Variants in OPHN1 observed in about 807,000 individuals in gnomAD.
OPHN1 encodes the protein oligophrenin 1, also known as oligophrenin-1.
In OPHN1, 11 loss-of-function variants were observed where a neutral mutation model predicts 60.7. The observed-to-expected ratio is 0.18, with a 90% CI of 0.11 to 0.30. The LOEUF is 0.30. Ranked by LOEUF, OPHN1 falls within the 10% of genes least tolerant of loss-of-function variation. The pLI, the probability that OPHN1 is intolerant of heterozygous loss-of-function variation, is 1.00. For synonymous variants in OPHN1, 226 were observed against 222.6 expected (o/e 1.02, Z -0.14); for missense variants, 449 against 611.0 (o/e 0.73, Z 2.80).
At chrX:68,381,472 A>T (rs191517191) in intron 2 of OPHN1, among the ~76,000 whole-genome samples, 15 of 111,799 alleles carry the variant, frequency 1.3e-4, no homozygotes, top group African/African-American at 4.5e-4. Flanking sequence ...TTTGTCTGAC[A>T]TGCAAGGCCC....
intron 2 of OPHN1, among the ~76,000 whole-genome samples, chrX:68,430,572 C>T (rs1021153037): frequency 9.0e-6 from 1 of 111,446 alleles, no homozygotes; most frequent in Admixed American, 9.6e-5. Context: ...CCTGCAATCC[C>T]AGCACTTTGA....
intron 15 of OPHN1, among the ~76,000 whole-genome samples, chrX:68,155,623 C>T (rs1344359431): frequency 8.9e-6 from 1 of 111,996 alleles, no homozygotes; most frequent in Non-Finnish European, 1.9e-5. Context: ...TAATACACTA[C>T]CTCTTCAGAA....
chrX:68,194,652 T>C (rs769850496), intron 12 of OPHN1, among the ~76,000 whole-genome samples, 154 bp from the exon 13 acceptor site: 17 of 111,676 alleles, frequency 1.5e-4, no homozygotes. Flanking sequence ...CTAAACATAA[T>C]TGCTTTGCCA....
chrX:68,141,598 C>A (rs1282318437), intron 15 of OPHN1, among the ~76,000 whole-genome samples: 2 of 111,586 alleles, frequency 1.8e-5, no homozygotes, highest in Non-Finnish European at 3.8e-5. Flanking sequence ...TAGTTCAAGT[C>A]TTTTTGAATC....
At chrX:68,131,277 G>A (rs1397555872) in intron 15 of OPHN1, among the ~76,000 whole-genome samples, 1 of 109,267 alleles carries the variant, frequency 9.2e-6, no homozygotes, top group Non-Finnish European at 1.9e-5. Flanking sequence ...GGAGTGCAGT[G>A]GTGCAATCTC....
rs151096060 is a variant in OPHN1, at chrX:68,374,354, C to CAAA, written c.154+58510_154+58512dup. The stretch of plus-strand genomic sequence containing the variant: ...CTGGCAACAGAGTGAGACTCCATCT[C>CAAA]AAAAAAAAAAAAAAAATCACTAAAT... On this transcript the variant is annotated intron_variant, in intron 2 of 24. Coordinates refer to ENST00000355520, the MANE Select transcript of OPHN1 (RefSeq NM_002547.3). Among the ~76,000 whole-genome samples, 22 of 70,868 alleles carry CAAA rather than the reference C, an allele frequency of 3.1e-4. 1 individual carries two copies. The highest frequency in any genetic ancestry group is 3.4e-4 in the African/African-American group (7 of 20,574). 61.5% of individuals were successfully genotyped at this position (70,868 alleles called of 115,157 possible).
intron 3 of OPHN1, among the ~76,000 whole-genome samples, chrX:68,285,345 A>G (rs1277730539): frequency 1.8e-5 from 2 of 111,885 alleles, no homozygotes; most frequent in Non-Finnish European, 3.8e-5. Context: ...CTTTTTTAAC[A>G]TAGGAATTTG....
intron 9 of OPHN1, among the ~76,000 whole-genome samples, chrX:68,207,945 T>C (rs5965518): frequency 1.8e-5 from 2 of 111,030 alleles, no homozygotes; most frequent in Non-Finnish European, 3.8e-5. Context: ...ACCCTGCCTT[T>C]ACTCATGCAG....
At chrX:68,381,533 A>G (rs1227569138) in intron 2 of OPHN1, among the ~76,000 whole-genome samples, 4 of 111,445 alleles carry the variant, frequency 3.6e-5, no homozygotes, top group African/African-American at 1.3e-4. Context: ...AACCTATTTC[A>G]AGGTCCTTCC....
chrX:68,432,817 G>C (rs777084728), intron 2 of OPHN1, 50 bp downstream of exon 2: 101 of 1,190,917 alleles, frequency 8.5e-5, no homozygotes, highest in Non-Finnish European at 1.1e-4. Flanking sequence ...AAGGCTTAAA[G>C]GCCAGACACA....
At chrX:68,268,131 T>C (rs923216430) in intron 5 of OPHN1, among the ~76,000 whole-genome samples, 2 of 110,787 alleles carry the variant, frequency 1.8e-5, no homozygotes, top group African/African-American at 3.3e-5. Flanking sequence ...AGGTACAGAA[T>C]ACAGAATACA....
intron 6 of OPHN1, among the ~76,000 whole-genome samples, chrX:68,223,925 T>G (rs2147506576): frequency 9.0e-6 from 1 of 111,567 alleles, no homozygotes; most frequent in Non-Finnish European, 1.9e-5. Flanking sequence ...TTAATGTGAA[T>G]GTGCCTAACA....
At chrX:68,232,146 A>C (rs1208673230) in intron 6 of OPHN1, among the ~76,000 whole-genome samples, 1 of 111,849 alleles carries the variant, frequency 8.9e-6, no homozygotes, top group Non-Finnish European at 1.9e-5. Context: ...TAGATATAGC[A>C]CCAAACACCT....
chrX:68,080,685 G>C (rs1206253642), intron 19 of OPHN1, among the ~76,000 whole-genome samples: 8 of 112,123 alleles, frequency 7.1e-5, no homozygotes, highest in African/African-American at 2.3e-4. Context: ...CTAGGATCAA[G>C]AAACTGAAGC....
chrX:68,070,754 C>T (rs2076930650), intron 20 of OPHN1: 2 of 1,137,151 alleles, frequency 1.8e-6, no homozygotes, highest in Middle Eastern at 2.9e-4. Context: ...CAAATACCCC[C>T]CACAGGACCA....
chrX:68,200,057 A>G (rs1411257574), intron 11 of OPHN1, among the ~76,000 whole-genome samples: 1 of 112,165 alleles, frequency 8.9e-6, no homozygotes, highest in Non-Finnish European at 1.9e-5. Context: ...AAAACAAACA[A>G]AAAGAAACCA....
chrX:68,171,441 AG>A (rs35440070), intron 15 of OPHN1, among the ~76,000 whole-genome samples: 39,054 of 111,482 alleles, frequency 0.35, 5,497 homozygotes, highest in African/African-American at 0.52. Flanking sequence ...AGAAGTCTAC[AG>A]TAAGAAGATA....
At chrX:68,200,256 T>A (rs2077529481) in intron 11 of OPHN1, among the ~76,000 whole-genome samples, 1 of 111,593 alleles carries the variant, frequency 9.0e-6, no homozygotes, top group Non-Finnish European at 1.9e-5. Context: ...AAAGTGTAGA[T>A]GCATCAAAAC....
chrX:68,182,429 G>C (rs895659204), intron 15 of OPHN1, among the ~76,000 whole-genome samples: 4 of 109,051 alleles, frequency 3.7e-5, no homozygotes, highest in Non-Finnish European at 7.6e-5. Flanking sequence ...GAGGGAAGGA[G>C]GGAGAAGAAA....
Sources: allele counts gnomAD v4.1 joint callset (sites outside exome capture counted in the v4.1 genomes callset), GRCh38; gene constraint gnomAD v4.1.1; transcripts MANE v1.5; gene names NCBI Gene and HGNC (gene_info 2026-07-23, HGNC 2026-07-21).